SSH2: variants seen among roughly 807,000 people sequenced by gnomAD.
The protein encoded by SSH2 is slingshot protein phosphatase 2.
A neutral mutation model predicts 135.2 loss-of-function variants in SSH2; 37 were observed. That is an observed-to-expected ratio of 0.27 (90% CI 0.21 to 0.36). The LOEUF (loss-of-function observed/expected upper bound fraction) is 0.36, where lower values mean the gene tolerates loss of function less well. SSH2 is among the 10% of genes least tolerant of loss of function. The pLI is 1.00. For synonymous variants in SSH2, 628 were observed against 646.2 expected (o/e 0.97, Z 0.43); for missense variants, 1,408 against 1,765.3 (o/e 0.80, Z 3.63).
At chr17:29,637,167 C>T (rs969474596) in intron 14 of SSH2, among the ~76,000 whole-genome samples, 1 of 152,110 alleles carries the variant, frequency 6.6e-6, no homozygotes, top group Non-Finnish European at 1.5e-5. Flanking sequence ...TGCAGTGCAG[C>T]GGCTTACTGC....
rs2066319042 is a variant in SSH2 at position 29,890,022 on chromosome 17, T to C, written c.63+39916A>G. On this transcript the variant is annotated intron_variant, in intron 1 of 15. Coordinates refer to ENST00000540801, the MANE Select transcript of SSH2 (RefSeq NM_001282129.2). ...AAAAGATCTGAATAGATATTTCTCATGTGAGGAAGATACACAAATGGCCAG... is the reference window on the plus strand; with the variant it reads ...AAAAGATCTGAATAGATATTTCTCACGTGAGGAAGATACACAAATGGCCAG... Among the ~76,000 whole-genome samples, 3 of 152,152 alleles carry C rather than the reference T, an allele frequency of 2.0e-5. 1 individual carries two copies. The South Asian group carries it at 6.2e-4, about 32-fold the overall frequency.
chr17:29,868,755 C>T (rs8080078), intron 1 of SSH2, among the ~76,000 whole-genome samples: 71,747 of 147,320 alleles, frequency 0.49, 18,153 homozygotes, highest in East Asian at 0.6. Flanking sequence ...AAAAAAAAAA[C>T]TCAGTTCCCA....
At chr17:29,753,289 C>T (rs534527639) in intron 3 of SSH2, among the ~76,000 whole-genome samples, 46 of 151,912 alleles carry the variant, frequency 3.0e-4, no homozygotes, top group Admixed American at 8.5e-4. Flanking sequence ...CACCATCATG[C>T]CCAGCTAATT....
intron 2 of SSH2, among the ~76,000 whole-genome samples, chr17:29,844,997 A>G (rs1222221834): frequency 6.6e-6 from 1 of 152,154 alleles, no homozygotes; most frequent in Non-Finnish European, 1.5e-5. Context: ...TAATTTGTGA[A>G]GTGTAGATTA....
At chr17:29,923,218 G>A (rs2067006527) in intron 1 of SSH2, among the ~76,000 whole-genome samples, 1 of 152,048 alleles carries the variant, frequency 6.6e-6, no homozygotes, top group South Asian at 2.1e-4. Flanking sequence ...CCTTAAAATT[G>A]TTTATACCCT....
At chr17:29,793,625 G>A (rs931207260) in intron 3 of SSH2, 5 of 276,090 alleles carry the variant, frequency 1.8e-5, no homozygotes, top group African/African-American at 1.1e-4. Context: ...TAAAGCATTC[G>A]CTCTTACTCT....
chr17:29,749,199 A>G (rs2617866), intron 3 of SSH2, among the ~76,000 whole-genome samples: 69,478 of 152,028 alleles, frequency 0.46, 16,308 homozygotes, highest in Non-Finnish European at 0.51. Context: ...TTTTCACACA[A>G]GCCCACTAGT....
At chr17:29,700,895 T>C (rs1297649236) in intron 4 of SSH2, among the ~76,000 whole-genome samples, 2 of 152,168 alleles carry the variant, frequency 1.3e-5, no homozygotes, top group Admixed American at 1.3e-4. Flanking sequence ...GTTCCAGCAA[T>C]TCTCCTGCCT....
chr17:29,718,709 G>A (rs1014707323), intron 3 of SSH2, among the ~76,000 whole-genome samples: 38 of 141,774 alleles, frequency 2.7e-4, no homozygotes, highest in Non-Finnish European at 2.3e-4. Flanking sequence ...CTCTAGACTG[G>A]GCGACAAAGC....
At chr17:29,742,503 T>TC (rs1306898339) in intron 3 of SSH2, among the ~76,000 whole-genome samples, 1 of 147,518 alleles carries the variant, frequency 6.8e-6, no homozygotes. Context: ...TTTTTTTTCT[T>TC]TTCAATTTTT....
chr17:29,899,694 G>A (rs1016832981), intron 1 of SSH2, among the ~76,000 whole-genome samples: 39 of 152,126 alleles, frequency 2.6e-4, no homozygotes, highest in Non-Finnish European at 4.1e-4. Flanking sequence ...CGTGAAAATG[G>A]CCATACTGCC....
rs1464833383 is a variant in SSH2 at position 29,657,664 on chromosome 17, G to A, written c.1033-2057C>T. On this transcript the variant is annotated intron_variant, in intron 11 of 15. Coordinates refer to ENST00000540801, the MANE Select transcript of SSH2 (RefSeq NM_001282129.2). Reference sequence around the variant, plus strand: ...TGGCACACTGCAGCCTTGAACTCCTGGGCTCAAACCATCCTCCTGCCTCAG... The same window carrying A: ...TGGCACACTGCAGCCTTGAACTCCTAGGCTCAAACCATCCTCCTGCCTCAG... Among the ~76,000 whole-genome samples, 3 of 139,760 alleles carry A rather than the reference G, an allele frequency of 2.1e-5. No individual in the cohort carries two copies. The South Asian group carries it at 7.1e-4, about 33-fold the overall frequency. The allele number at this position is 139,760 out of a possible 152,430, so 91.7% of individuals were successfully genotyped here.
chr17:29,750,447 AAAAAAAT>A (rs2040896018), intron 3 of SSH2, among the ~76,000 whole-genome samples: 1 of 151,486 alleles, frequency 6.6e-6, no homozygotes, highest in South Asian at 2.1e-4. Context: ...TCAAAAAAAA[AAAAAAAT>A]TTTTTTTTAA....
Position 29,632,493 on chromosome 17 carries a change from C to T in SSH2, c.2701G>A (p.Glu901Lys), listed in dbSNP as rs2035728245. 1.9e-6 allele frequency: 3 copies of T among 1,614,170 alleles called. No homozygotes were observed. The highest frequency in any genetic ancestry group is 1.7e-6 in the Non-Finnish European group (2 of 1,180,014). The change falls in exon 16 of 16, where the codon GAA (glutamate) becomes AAA (lysine). Residue 901 changes from glutamate (E) to lysine (K), a missense_variant. Around this residue, in one of 3 missense-constraint regions of SSH2, gnomAD observed 1,080 missense variants for 1,144.5 expected, o/e 0.94. Coordinates refer to ENST00000540801, the MANE Select transcript of SSH2 (RefSeq NM_001282129.2). ...TCTTGCTCCTGCCGTAAGCGCTCTT[C>T]GAACTCCAAGGTGGCTCGCCTCACA... ...GSVRRATLEF[E>K]ERLRQEQEHH...
chr17:29,677,630 C>A lies in SSH2; in HGVS notation c.548+43G>T, dbSNP rs1422329020. 2.6e-6 allele frequency: 4 copies of A among 1,537,924 alleles called. No individual in the cohort carries two copies. The South Asian group carries it at 4.5e-5, about 17-fold the overall frequency. Reference sequence around the variant, plus strand: ...GAATGTGCAGTAAGATGGAGCCCCACCCCTTGGCTTTCTGTAACAGAATAA... The same window carrying A: ...GAATGTGCAGTAAGATGGAGCCCCAACCCTTGGCTTTCTGTAACAGAATAA... On this transcript the variant is annotated intron_variant, in intron 7 of 15. Transcript: ENST00000540801.
At chr17:29,723,495 T>C (rs1288010800) in intron 3 of SSH2, among the ~76,000 whole-genome samples, 2 of 152,172 alleles carry the variant, frequency 1.3e-5, no homozygotes, top group Non-Finnish European at 2.9e-5. Flanking sequence ...ATAGGGAAGC[T>C]GAAGACTCAA....
intron 2 of SSH2, among the ~76,000 whole-genome samples, chr17:29,820,959 T>G (rs1599045218): frequency 6.6e-6 from 1 of 152,228 alleles, no homozygotes; most frequent in East Asian, 1.9e-4. Context: ...CTCCAGACAC[T>G]TTCATTTCTC....
At chr17:29,659,297 C>T (rs1323836141) in intron 11 of SSH2, among the ~76,000 whole-genome samples, 1 of 152,148 alleles carries the variant, frequency 6.6e-6, no homozygotes, top group Non-Finnish European at 1.5e-5. Context: ...TCCGTAGAGG[C>T]TGAAACAATT....
chr17:29,777,990 A>G (rs764851647), intron 3 of SSH2, among the ~76,000 whole-genome samples: 15 of 152,052 alleles, frequency 9.9e-5, no homozygotes, highest in Non-Finnish European at 1.5e-4. Flanking sequence ...CTCTTCTGAT[A>G]TGATTATACT....
Sources: allele counts gnomAD v4.1 joint callset (sites outside exome capture counted in the v4.1 genomes callset), GRCh38; gene constraint gnomAD v4.1.1; regional missense constraint gnomAD v4.1.1; transcripts MANE v1.5; gene names NCBI Gene and HGNC (gene_info 2026-07-23, HGNC 2026-07-21).